SCNN1A: variants seen among roughly 807,000 people sequenced by gnomAD.
The protein encoded by SCNN1A is epithelial sodium channel subunit alpha.
SCNN1A carries 65 observed loss-of-function variants against 68.6 expected under a neutral mutation model. The observed-to-expected ratio is 0.95, with a 90% CI of 0.78 to 1.16. SCNN1A has a LOEUF of 1.16. Ranked by LOEUF, SCNN1A falls within the 50% of genes most tolerant of loss-of-function variation. The pLI is 0.00. For synonymous variants in SCNN1A, 357 were observed against 353.3 expected, an observed-to-expected ratio of 1.01 and a Z score of -0.12; for missense variants, 880 against 865.9, an observed-to-expected ratio of 1.02 and a Z score of -0.20.
In SCNN1A at chr12:6,363,519, G is replaced by A. The variant is rs767356889; in HGVS notation, c.608C>T (p.Ala203Val). Residue 203 changes from alanine to valine, a missense_variant, in exon 3 of 13, where the codon GCC becomes GTC. Ala to Val is a moderately conservative substitution (Grantham distance 64, BLOSUM62 0). Coordinates refer to ENST00000228916, the MANE Select transcript of SCNN1A (RefSeq NM_001038.6). Reference protein sequence around the residue: ...VPPPPHGARRARSVASSLRDN... With the variant: ...VPPPPHGARRVRSVASSLRDN... The stretch of plus-strand genomic sequence containing the variant: ...CCGCAAGCTGGAGGCCACGCTACGG[G>A]CTCGACGGGCCCCGTGAGGCGGGGG... 5 of 1,609,574 alleles carry A rather than the reference G, an allele frequency of 3.1e-6. No homozygotes were observed. The highest frequency in any genetic ancestry group is 4.2e-6 in the Non-Finnish European group (5 of 1,178,014).
chr12:6,374,872 G>A lies in SCNN1A; in HGVS notation c.-54-35C>T, dbSNP rs991099761. 1 of 1,613,918 alleles carries A rather than the reference G, an allele frequency of 6.2e-7. No homozygotes were observed. The highest frequency in any genetic ancestry group is 1.3e-5 in the African/African-American group (1 of 74,916). On this transcript the variant is annotated intron_variant, in intron 1 of 12. Transcript: ENST00000228916. The surrounding 1 kb of genome is among the most constrained non-coding windows in gnomAD (Gnocchi z 6.2). ...CCCCGGAGTGGATTGGGGAGAGCAA[G>A]GGTCAGGGTCAAGGCTGAGCTCTGG... is the stretch of plus-strand genomic sequence containing the variant.
chr12:6,360,084 T>C (rs2136878179), intron 4 of SCNN1A, among the ~76,000 whole-genome samples: 1 of 152,302 alleles, frequency 6.6e-6, no homozygotes, highest in African/African-American at 2.4e-5. Context: ...TATTCCTTTA[T>C]AGCAACACAA....
At chr12:6,356,086 C>T (rs1372483734) in intron 4 of SCNN1A, 3 of 620,910 alleles carry the variant, frequency 4.8e-6, no homozygotes, top group African/African-American at 1.8e-5. Flanking sequence ...AACCAACAGC[C>T]TGTGAGAGTC....
rs1172136724 is a variant in SCNN1A, at chr12:6,359,839, C to T, written c.875+2212G>A. ...AGGCTGGAGTGCAGTGGTGCGATCT[C>T]GGCTCACTGCAACCTCCACCTCTTG... On this transcript the variant is annotated intron_variant, in intron 4 of 12. Transcript: ENST00000228916. Among the ~76,000 whole-genome samples, 7 of 137,248 alleles carry T rather than the reference C, an allele frequency of 5.1e-5. No homozygotes were observed. The East Asian group carries it at 6.9e-4, about 14-fold the overall frequency. 90.0% of individuals were successfully genotyped at this position (137,248 alleles called of 152,430 possible).
chr12:6,347,896 TG>T lies in SCNN1A; in HGVS notation c.1986del (p.Thr663ProfsTer32). On this transcript the variant is annotated frameshift_variant, in exon 13 of 13. Transcript: ENST00000228916. LOFTEE classifies it high-confidence loss of function. ...SPGGSAGASS[S>X]TCPLGGP is the part of the protein sequence containing the mutation. ...TCTCAGGGCCCCCCCAGAGGACAGG[TG>T]GAGGAACTGGCCCCTGCAGAGCCCC... 1 of 1,598,212 alleles carries T rather than the reference TG, an allele frequency of 6.3e-7. No homozygotes were observed. Among genetic ancestry groups the T allele is most frequent in the Non-Finnish European group, 8.5e-7 (1 of 1,172,436 alleles).
chr12:6,375,755 G>A, upstream of SCNN1A: 1 of 1,410,324 alleles, frequency 7.1e-7, no homozygotes, highest in Non-Finnish European at 9.2e-7. Context: ...TGGGGGACAG[G>A]ATGGCAGGTG....
At position 6,350,339 on chromosome 12, in the gene SCNN1A, G is replaced by A. The variant is rs558118938; in HGVS notation, c.1361-934C>T. On this transcript the variant is annotated intron_variant, in intron 8 of 12. Coordinates refer to ENST00000228916, the MANE Select transcript of SCNN1A (RefSeq NM_001038.6). ...CCCAGCTACTCGGGAGGCTGAGGCA[G>A]GAGAATGGCGTGAACCCGGGAGGCG... Among the ~76,000 whole-genome samples the A allele has an allele frequency of 1.7e-3, 263 of 151,814 alleles. 1 individual carries two copies. Among genetic ancestry groups the A allele is most frequent in the African/African-American group, 5.7e-3 (235 of 41,450 alleles).
rs1948269431 is a variant in SCNN1A, at chr12:6,347,095, C to T, written c.*778G>A. On this transcript the variant is annotated 3_prime_UTR_variant, in exon 13 of 13. Transcript: ENST00000228916. ...CAATTTTGGGGAAGACAAGATGTGG[C>T]AGAAGCGTTCACAAAAGTAATGGTG... The T allele has an allele frequency of 6.6e-6, 1 of 152,450 alleles. No individual in the cohort carries two copies. Among genetic ancestry groups the T allele is most frequent in the East Asian group, 1.9e-4 (1 of 5,204 alleles). The allele number at this position is 152,450 out of a possible 1,614,324, so 9.4% of individuals were successfully genotyped here. A position where few individuals can be genotyped will look rare whatever the true frequency, so the allele number is the denominator to read the frequency against.
In SCNN1A at chr12:6,354,491, TAGA is replaced by T; in HGVS notation, c.1304_1306del (p.Phe435del). 1.2e-6 allele frequency: 2 copies of T among 1,613,666 alleles called. No homozygotes were observed. Among genetic ancestry groups the T allele is most frequent in the Non-Finnish European group, 1.7e-6 (2 of 1,179,962 alleles). ...GTACTCCACGTTCTGGGGCCGCGGA[TAGA>T]AGATGTAGGCACAGCCACACTCCTT... On this transcript the variant is annotated inframe_deletion, in exon 8 of 13. Transcript: ENST00000228916.
In SCNN1A at chr12:6,347,943, A is replaced by G. The variant is rs780386780; in HGVS notation, c.1940T>C (p.Leu647Pro). The change falls in exon 13 of 13, where the codon CTG (leucine) becomes CCG (proline). Residue 647 changes from leucine (L) to proline (P), a missense_variant. Leu to Pro is a moderately conservative substitution (Grantham distance 98). This residue lies in a region of SCNN1A where 758 missense variants were observed against 721.8 expected (regional missense o/e 1.05). Transcript: ENST00000228916. ...LTAPPPAYATLGPRPSPGGSA... is the reference protein window; with the variant it reads ...LTAPPPAYATPGPRPSPGGSA... ...GCCCCCTGGAGATGGGCGGGGGCCC[A>G]GGGTGGCATAGGCAGGGGGAGGGGC... 2 of 1,576,062 alleles carry G rather than the reference A, an allele frequency of 1.3e-6. No homozygotes were observed. Among genetic ancestry groups the G allele is most frequent in the South Asian group, 2.3e-5 (2 of 87,354 alleles).
upstream of SCNN1A, among the ~76,000 whole-genome samples, chr12:6,376,715 C>T (rs1184714290): frequency 1.3e-5 from 2 of 152,108 alleles, no homozygotes; most frequent in East Asian, 1.9e-4. Context: ...GGAGGAGACT[C>T]GGGAGAGCCA....
At position 6,374,116 on chromosome 12, in the gene SCNN1A, C is replaced by G. The variant is rs111471598; in HGVS notation, c.416+252G>C. The stretch of plus-strand genomic sequence containing the variant: ...AATGGGAGGGAAGGAGAAGAGAGGG[C>G]AGGGGAGGGCAATGCTGCTCCAACA... On this transcript the variant is annotated intron_variant, in intron 2 of 12. Coordinates refer to ENST00000228916, the MANE Select transcript of SCNN1A (RefSeq NM_001038.6). The surrounding 1 kb of genome is among the most constrained non-coding windows in gnomAD (Gnocchi z 6.2). Among the ~76,000 whole-genome samples the G allele has an allele frequency of 6.6e-6, 1 of 152,178 alleles. No homozygotes were observed. The highest frequency in any genetic ancestry group is 2.4e-5 in the African/African-American group (1 of 41,454).
intron 3 of SCNN1A, 88 bp from the exon 4 acceptor site, chr12:6,362,329 G>T (rs1019359081): frequency 2.5e-6 from 3 of 1,192,648 alleles, no homozygotes; most frequent in Non-Finnish European, 3.8e-6. Flanking sequence ...GTGATCTGGG[G>T]TTCTGAGGAC....
intron 2 of SCNN1A, among the ~76,000 whole-genome samples, chr12:6,370,472 C>T (rs1378285046): frequency 6.6e-6 from 1 of 152,204 alleles, no homozygotes; most frequent in African/African-American, 2.4e-5. Context: ...TCCTCCTCTT[C>T]CCTCCCTCTT....
At chr12:6,371,851 G>C (rs1181097949) in intron 2 of SCNN1A, among the ~76,000 whole-genome samples, 2 of 152,114 alleles carry the variant, frequency 1.3e-5, no homozygotes, top group African/African-American at 4.8e-5. Flanking sequence ...GCTCAGGCTG[G>C]AATGCAGTGG....
At chr12:6,349,110 C>A (rs1948322007) in intron 10 of SCNN1A, 54 bp downstream of exon 10, 1 of 1,603,178 alleles carries the variant, frequency 6.2e-7, no homozygotes. Flanking sequence ...CAGAGAAGGC[C>A]ACAGCATTAC....
In SCNN1A at chr12:6,348,176, C is replaced by T. The variant is rs779896951; in HGVS notation, c.1707G>A (p.Met569Ile). The T allele has an allele frequency of 1.5e-5, 25 of 1,614,036 alleles. No homozygotes were observed. The highest frequency in any genetic ancestry group is 2.1e-5 in the Non-Finnish European group (25 of 1,180,050). The part of the protein sequence containing the change: ...FGSSVLSVVE[M>I]AELVFDLLVI... ...CCAGCAGGTCAAAGACGAGCTCAGCCATCTCCACCACAGACAACACCGAGG... is the reference window on the plus strand; with the variant it reads ...CCAGCAGGTCAAAGACGAGCTCAGCTATCTCCACCACAGACAACACCGAGG... The change falls in exon 13 of 13, where the codon ATG becomes ATA. Residue 569 changes from methionine to isoleucine, a missense_variant. Physicochemically the swap from Met to Ile is conservative, Grantham distance 10. Coordinates refer to ENST00000228916, the MANE Select transcript of SCNN1A (RefSeq NM_001038.6).
At chr12:6,365,659 T>C (rs1948663199) in intron 2 of SCNN1A, among the ~76,000 whole-genome samples, 1 of 152,006 alleles carries the variant, frequency 6.6e-6, no homozygotes, top group Non-Finnish European at 1.5e-5. Flanking sequence ...GGAAAAAAAA[T>C]GACCCTCAAT....
chr12:6,369,094 G>A (rs1263621177), intron 2 of SCNN1A, among the ~76,000 whole-genome samples: 1 of 152,054 alleles, frequency 6.6e-6, no homozygotes, highest in Non-Finnish European at 1.5e-5. Context: ...CATCCTGGCT[G>A]GGCCTCCCTT....
Sources: gnomAD v4.1 joint callset for allele counts (sites outside exome capture counted in the v4.1 genomes callset) on GRCh38, gnomAD v4.1.1 for gene constraint, gnomAD v4.1.1 regional missense constraint, Gnocchi (gnomAD v3.1) non-coding constraint, MANE v1.5 for transcripts, NCBI Gene and HGNC (gene_info 2026-07-23, HGNC 2026-07-21) for gene names.